Variants in VIL1 observed in about 807,000 individuals in gnomAD.
VIL1 encodes the protein villin 1, also known as villin-1.
A neutral mutation model predicts 104.0 loss-of-function variants in VIL1; 86 were observed. The observed-to-expected ratio is 0.83, with a 90% CI of 0.69 to 0.99. The LOEUF (loss-of-function observed/expected upper bound fraction) is 0.99, where lower values mean the gene tolerates loss of function less well. Ranked by LOEUF, VIL1 falls within the 50% of genes least tolerant of loss-of-function variation. The probability of loss-of-function intolerance (pLI) is 0.00; values close to 1 mark genes in which losing one functional copy is unlikely to be tolerated. For synonymous variants in VIL1, 394 were observed against 412.6 expected (o/e 0.95, Z 0.55); for missense variants, 944 against 1,054.1 (o/e 0.90, Z 1.45).
At position 218,427,389 on chromosome 2, in the gene VIL1, T is replaced by A. The variant is rs1490165791; in HGVS notation, c.348-576T>A. Among the ~76,000 whole-genome samples the A allele has an allele frequency of 2.6e-5, 4 of 151,496 alleles. No homozygotes were observed. The East Asian group carries it at 7.8e-4, about 29-fold the overall frequency. On this transcript the variant is annotated intron_variant, in intron 4 of 19. Coordinates refer to ENST00000248444, the MANE Select transcript of VIL1 (RefSeq NM_007127.3). ...CTTAGGCTAGAGTGCAATGGTGCGA[T>A]CTCGGCTCACTGCAAACCTCCGCCT...
chr2:218,438,533 A>G, intron 17 of VIL1, 125 bp from the exon 18 acceptor site: 2 of 848,642 alleles, frequency 2.4e-6, no homozygotes, highest in Non-Finnish European at 3.7e-6. Flanking sequence ...CAGCCTTCAT[A>G]TCCTCTTTCC....
chr2:218,446,320 C>T (rs879486103), intron 19 of VIL1, among the ~76,000 whole-genome samples: 9 of 152,230 alleles, frequency 5.9e-5, no homozygotes, highest in Admixed American at 2.0e-4. Flanking sequence ...CTGCAGCCTC[C>T]GCCTCCCAGG....
At chr2:218,426,171 A>G (rs966843416) in intron 4 of VIL1, among the ~76,000 whole-genome samples, 8 of 151,732 alleles carry the variant, frequency 5.3e-5, no homozygotes, top group African/African-American at 1.9e-4. Context: ...AAGCCCCCCA[A>G]CTCTGGCCAA....
At chr2:218,447,116 G>A (rs1356341207) in intron 19 of VIL1, among the ~76,000 whole-genome samples, 3 of 152,190 alleles carry the variant, frequency 2.0e-5, no homozygotes, top group Non-Finnish European at 2.9e-5. Flanking sequence ...ATTCAAATCC[G>A]CCTCAGTTCC....
intron 3 of VIL1, 77 bp from the exon 4 acceptor site, chr2:218,425,538 G>A (rs1160115181): frequency 1.4e-5 from 20 of 1,474,554 alleles, no homozygotes; most frequent in South Asian, 7.2e-5. Flanking sequence ...TGGACGGCAC[G>A]TGTGTGGGAG....
chr2:218,432,238 C>T, intron 12 of VIL1, 55 bp downstream of exon 12: 1 of 1,582,300 alleles, frequency 6.3e-7, no homozygotes, highest in Non-Finnish European at 8.6e-7. Context: ...CTGCCTTGTA[C>T]ATACTCCTGC....
intron 17 of VIL1, 74 bp downstream of exon 17, chr2:218,437,386 T>A (rs1411179065): frequency 6.5e-7 from 1 of 1,541,206 alleles, no homozygotes; most frequent in African/African-American, 1.4e-5. Context: ...CAGGCCATTC[T>A]GTCTCTTTGG....
intron 17 of VIL1, 56 bp downstream of exon 17, chr2:218,437,368 G>A: frequency 6.3e-7 from 1 of 1,574,856 alleles, no homozygotes; most frequent in Non-Finnish European, 8.7e-7. Flanking sequence ...GATCAGTGCT[G>A]ATTCCTGCAG....
rs2106391929 is a variant in VIL1, at chr2:218,429,608, C to T, written c.782C>T (p.Ser261Phe). The change falls in exon 8 of 20, where the codon TCC becomes TTC. Residue 261 changes from serine (S) to phenylalanine (F), a missense_variant. By Grantham distance (155) the Ser-to-Phe change is radical (BLOSUM62 -2). Coordinates refer to ENST00000248444, the MANE Select transcript of VIL1 (RefSeq NM_007127.3). ...AALKLYHVSDSEGNLVVREVA... is the reference protein window; with the variant it reads ...AALKLYHVSDFEGNLVVREVA... ...CTTCTGTCCTGCAGTGTGTCTGACT[C>T]CGAGGGGAATCTGGTGGTGAGGGAA... 3.1e-6 allele frequency: 5 copies of T among 1,614,106 alleles called. No homozygotes were observed. Among genetic ancestry groups the T allele is most frequent in the Non-Finnish European group, 4.2e-6 (5 of 1,180,030 alleles).
chr2:218,435,080 C>T (rs1435513743), intron 14 of VIL1, among the ~76,000 whole-genome samples: 2 of 140,746 alleles, frequency 1.4e-5, no homozygotes, highest in East Asian at 1.9e-4. Context: ...GAGTCCCTCT[C>T]GAACCTTGAA....
chr2:218,424,170 T>G (rs1688938962), intron 2 of VIL1, 107 bp from the exon 3 acceptor site: 1 of 949,670 alleles, frequency 1.1e-6, no homozygotes, highest in Admixed American at 2.2e-5. Context: ...CTTTCATTCC[T>G]GGGCCCGGCT....
chr2:218,427,788 T>C (rs1181905468), intron 4 of VIL1, among the ~76,000 whole-genome samples, 177 bp from the exon 5 acceptor site: 1 of 152,126 alleles, frequency 6.6e-6, no homozygotes, highest in Admixed American at 6.5e-5. Context: ...GACCTTGCAC[T>C]TTCAGGACCT....
intron 13 of VIL1, 150 bp from the exon 14 acceptor site, chr2:218,434,376 A>G: frequency 5.3e-6 from 4 of 751,624 alleles, no homozygotes; most frequent in Non-Finnish European, 8.3e-6. Context: ...GCTGTGATGC[A>G]AACAATGTTT....
intron 1 of VIL1, among the ~76,000 whole-genome samples, chr2:218,420,865 G>A (rs553646602): frequency 7.9e-5 from 12 of 152,256 alleles, no homozygotes; most frequent in South Asian, 2.1e-4. Context: ...GATTACACGC[G>A]TGAGCCACCA....
chr2:218,424,859 C>T (rs1000933675), intron 3 of VIL1, among the ~76,000 whole-genome samples: 1 of 152,156 alleles, frequency 6.6e-6, no homozygotes, highest in South Asian at 2.1e-4. Context: ...GGGGTTTCAC[C>T]ATGTTGATCA....
In VIL1 at chr2:218,440,830, C is replaced by A; in HGVS notation, c.2338C>A (p.Leu780Ile). Residue 780 changes from leucine to isoleucine, a missense_variant, in exon 19 of 20, where the codon CTC (leucine) becomes ATC (isoleucine). Transcript: ENST00000248444. ...GCTAGTGAACAAGCCTGTAGAGGAG[C>A]TCCCCGAGGGTGTGGACCCCAGCAG... ...EQLVNKPVEE[L>I]PEGVDPSRKE... is the part of the protein sequence containing the mutation. The A allele has an allele frequency of 6.2e-7, 1 of 1,614,146 alleles. No homozygotes were observed. Among genetic ancestry groups the A allele is most frequent in the Non-Finnish European group, 8.5e-7 (1 of 1,180,010 alleles).
Position 218,451,081 on chromosome 2 carries a change from G to C in VIL1, c.*1745G>C, listed in dbSNP as rs1433223904. ...CCAATAAAAAATATATATTTTTTCAGATGTTAATAAGACATATCAGTAGAG... is the reference window on the plus strand; with the variant it reads ...CCAATAAAAAATATATATTTTTTCACATGTTAATAAGACATATCAGTAGAG... On this transcript the variant is annotated 3_prime_UTR_variant, in exon 20 of 20. Coordinates refer to ENST00000248444, the MANE Select transcript of VIL1 (RefSeq NM_007127.3). The C allele has an allele frequency of 6.6e-6, 1 of 152,088 alleles. No individual in the cohort carries two copies. Among genetic ancestry groups the C allele is most frequent in the Non-Finnish European group, 1.5e-5 (1 of 68,006 alleles). The allele number at this position is 152,088 out of a possible 1,614,324, so 9.4% of individuals were successfully genotyped here.
chr2:218,434,395 C>A, intron 13 of VIL1, 131 bp from the exon 14 acceptor site: 2 of 859,556 alleles, frequency 2.3e-6, no homozygotes, highest in East Asian at 2.6e-5. Context: ...TTTAGAAAGA[C>A]CTGGTGACGG....
chr2:218,450,194 G>A lies in VIL1; in HGVS notation c.*858G>A, dbSNP rs1372545203. On this transcript the variant is annotated 3_prime_UTR_variant, in exon 20 of 20. Transcript: ENST00000248444. ...AAGGTGATTTCCACAACTTTGAACA[G>A]GTTGTTACAAGTATCAGCAAGAATG... is the stretch of plus-strand genomic sequence containing the variant. The A allele has an allele frequency of 6.6e-6, 1 of 152,122 alleles. No homozygotes were observed. The highest frequency in any genetic ancestry group is 1.5e-5 in the Non-Finnish European group (1 of 68,028). The allele number at this position is 152,122 out of a possible 1,614,324, so 9.4% of individuals were successfully genotyped here.
Sources: allele counts gnomAD v4.1 joint callset (sites outside exome capture counted in the v4.1 genomes callset), GRCh38; gene constraint gnomAD v4.1.1; transcripts MANE v1.5; gene names NCBI Gene and HGNC (gene_info 2026-07-23, HGNC 2026-07-21).